MTA3: variants seen among roughly 807,000 people sequenced by gnomAD.
MTA3 encodes metastasis associated 1 family member 3.
Under a neutral mutation model 83.5 loss-of-function variants are expected in MTA3, and 34 were observed. That is an observed-to-expected ratio of 0.41 (90% CI 0.31 to 0.54). MTA3 has a LOEUF of 0.54. Ranked by LOEUF, MTA3 falls within the 20% of genes least tolerant of loss-of-function variation. The probability of loss-of-function intolerance (pLI) is 0.33; values close to 1 mark genes in which losing one functional copy is unlikely to be tolerated. For synonymous variants in MTA3, 303 were observed against 252.7 expected (o/e 1.20, Z -1.89); for missense variants, 761 against 726.4 (o/e 1.05, Z -0.55).
chr2:42,521,737 C>T (rs1362197117), intron 2 of MTA3, among the ~76,000 whole-genome samples: 1 of 147,578 alleles, frequency 6.8e-6, no homozygotes, highest in Non-Finnish European at 1.5e-5. Flanking sequence ...ATAACTGCCC[C>T]TGAATCTTTC....
intron 3 of MTA3, among the ~76,000 whole-genome samples, chr2:42,594,727 TA>T (rs1312290150): frequency 0.035 from 1,211 of 34,212 alleles, 36 homozygotes; most frequent in African/African-American, 0.085. Flanking sequence ...TATATATATA[TA>T]TTTTTTTTTT....
chr2:42,534,921 C>T (rs1363956297), intron 2 of MTA3, among the ~76,000 whole-genome samples: 1 of 152,002 alleles, frequency 6.6e-6, no homozygotes. Flanking sequence ...CTGCACCTGG[C>T]CTGTTGCATG....
intron 14 of MTA3, 192 bp downstream of exon 14, chr2:42,709,288 A>AC: frequency 7.0e-7 from 1 of 1,419,280 alleles, no homozygotes; most frequent in Non-Finnish European, 9.1e-7. Flanking sequence ...GGAAAAAAAA[A>AC]ATCAAAACAT....
intron 11 of MTA3, chr2:42,703,718 G>T (rs768963266): frequency 6.5e-6 from 1 of 154,902 alleles, no homozygotes; most frequent in African/African-American, 2.4e-5. Flanking sequence ...GTGAAACCCC[G>T]TCTCTACTAA....
chr2:42,562,098 C>T (rs534773033), intron 2 of MTA3, among the ~76,000 whole-genome samples: 9 of 152,022 alleles, frequency 5.9e-5, no homozygotes, highest in South Asian at 2.1e-4. Context: ...CCCATCTCTG[C>T]GTCTCCCTTC....
At chr2:42,629,895 C>T (rs547635952) in intron 4 of MTA3, among the ~76,000 whole-genome samples, 41 of 152,058 alleles carry the variant, frequency 2.7e-4, no homozygotes, top group Admixed American at 5.9e-4. Flanking sequence ...TCTTGTGCCT[C>T]AGCCTCCTGA....
At chr2:42,558,821 C>G (rs1052407723) in intron 2 of MTA3, among the ~76,000 whole-genome samples, 1 of 151,946 alleles carries the variant, frequency 6.6e-6, no homozygotes, top group Non-Finnish European at 1.5e-5. Context: ...TCCCAAAGTG[C>G]TAGGATTACA....
intron 6 of MTA3, among the ~76,000 whole-genome samples, chr2:42,649,541 ATGTT>A (rs1344865592): frequency 1.3e-5 from 2 of 152,204 alleles, no homozygotes; most frequent in Non-Finnish European, 2.9e-5. Flanking sequence ...AAATAGGAAA[ATGTT>A]AGTATAGAGT....
At chr2:42,526,798 G>A (rs1240133573) in intron 2 of MTA3, among the ~76,000 whole-genome samples, 1 of 152,034 alleles carries the variant, frequency 6.6e-6, no homozygotes, top group Non-Finnish European at 1.5e-5. Flanking sequence ...GCTCACGCCT[G>A]TAATCCCAGC....
chr2:42,609,701 G>C, intron 4 of MTA3, 117 bp downstream of exon 4: 1 of 1,162,488 alleles, frequency 8.6e-7, no homozygotes, highest in South Asian at 2.0e-5. Context: ...TTTGCTAAAG[G>C]CTTCATAATG....
intron 2 of MTA3, among the ~76,000 whole-genome samples, chr2:42,508,514 G>T (rs1041108141): frequency 1.3e-5 from 2 of 151,450 alleles, no homozygotes; most frequent in Non-Finnish European, 2.9e-5. Context: ...TTTATCTTGT[G>T]TAGAGATGGG....
intron 16 of MTA3, among the ~76,000 whole-genome samples, chr2:42,738,195 G>A (rs552998652): frequency 3.3e-5 from 5 of 152,240 alleles, no homozygotes; most frequent in African/African-American, 9.6e-5. Flanking sequence ...CTGGGAGGTC[G>A]GAGCTGCAGT....
At chr2:42,588,988 CT>C (rs1680662769) in intron 3 of MTA3, among the ~76,000 whole-genome samples, 1 of 152,046 alleles carries the variant, frequency 6.6e-6, no homozygotes, top group South Asian at 2.1e-4. Flanking sequence ...CACTTAGGGC[CT>C]TTTACTGATT....
At chr2:42,730,553 A>G (rs1164225069) in intron 16 of MTA3, among the ~76,000 whole-genome samples, 2 of 152,250 alleles carry the variant, frequency 1.3e-5, no homozygotes, top group Admixed American at 6.5e-5. Context: ...CATTCCTGGG[A>G]TAAATCCCAC....
intron 4 of MTA3, among the ~76,000 whole-genome samples, chr2:42,628,409 T>C (rs1296052522): frequency 6.6e-6 from 1 of 151,906 alleles, no homozygotes; most frequent in African/African-American, 2.4e-5. Context: ...TTTTTTGGTA[T>C]TTTTAGTAGA....
At chr2:42,723,281 G>A in intron 16 of MTA3, 1 of 472,326 alleles carries the variant, frequency 2.1e-6, no homozygotes, top group Non-Finnish European at 3.8e-6. Flanking sequence ...GATGAAATCT[G>A]TATTTAGCAG....
In MTA3 at chr2:42,518,652, T is replaced by C. The variant is rs557572937; in HGVS notation, c.-141+23398T>C. Among the ~76,000 whole-genome samples, 4 of 152,146 alleles carry C rather than the reference T, an allele frequency of 2.6e-5. No individual in the cohort carries two copies. The East Asian group carries it at 7.7e-4, about 29-fold the overall frequency. ...TGATCATAACTCCATACTCCTGAAG[T>C]GTAGATTGCTCATAATGACTTCCTT... On this transcript the variant is annotated intron_variant, in intron 2 of 17. Coordinates refer to the MTA3 transcript ENST00000405592.
At chr2:42,641,878 AT>A (rs1351251989) in intron 5 of MTA3, among the ~76,000 whole-genome samples, 2 of 152,012 alleles carry the variant, frequency 1.3e-5, no homozygotes, top group African/African-American at 4.8e-5. Context: ...AAAAAAAAAA[AT>A]AGACATTGGA....
chr2:42,582,167 C>T (rs1371773136), intron 3 of MTA3, among the ~76,000 whole-genome samples: 2 of 152,276 alleles, frequency 1.3e-5, no homozygotes, highest in Non-Finnish European at 1.5e-5. Context: ...AGGCCATTCT[C>T]CTGCCTCAGC....
Sources: allele counts gnomAD v4.1 joint callset (sites outside exome capture counted in the v4.1 genomes callset), GRCh38; gene constraint gnomAD v4.1.1; transcripts MANE v1.5; gene names NCBI Gene and HGNC (gene_info 2026-07-23, HGNC 2026-07-21).